EIPR1: variants seen among roughly 807,000 people sequenced by gnomAD.
EIPR1 encodes EARP complex and GARP complex interacting protein 1, also known as EARP and GARP complex-interacting protein 1.
A neutral mutation model predicts 48.1 loss-of-function variants in EIPR1; 25 were observed. That is an observed-to-expected ratio of 0.52 (90% CI 0.38 to 0.73). The LOEUF (loss-of-function observed/expected upper bound fraction) is 0.73, where lower values mean the gene tolerates loss of function less well. Ranked by LOEUF, EIPR1 falls within the 30% of genes least tolerant of loss-of-function variation. EIPR1 has a pLI of 0.00. For missense variants in EIPR1, 415 were observed against 506.2 expected, an observed-to-expected ratio of 0.82 and a Z score of 1.73; for synonymous variants, 204 against 201.9, an observed-to-expected ratio of 1.01 and a Z score of -0.09.
intron 2 of EIPR1, among the ~76,000 whole-genome samples, chr2:3,348,443 G>A (rs1023043482): frequency 1.3e-5 from 2 of 152,186 alleles, no homozygotes; most frequent in Non-Finnish European, 2.9e-5. Context: ...ACAGGCCTCA[G>A]GTCGCGGTTC....
chr2:3,203,899 G>C (rs1012216422), intron 5 of EIPR1, among the ~76,000 whole-genome samples: 2 of 152,216 alleles, frequency 1.3e-5, no homozygotes, highest in East Asian at 1.9e-4. Context: ...AGCCACATCC[G>C]ACCAGCAGCA....
chr2:3,350,237 G>A (rs1437574844), intron 2 of EIPR1, among the ~76,000 whole-genome samples: 2 of 151,710 alleles, frequency 1.3e-5, no homozygotes, highest in African/African-American at 4.8e-5. Flanking sequence ...GAGGCCTAAG[G>A]CAACTTACTA....
intron 3 of EIPR1, among the ~76,000 whole-genome samples, chr2:3,296,628 C>T (rs1014492099): frequency 6.8e-6 from 1 of 147,476 alleles, no homozygotes; most frequent in African/African-American, 2.5e-5. Context: ...CCTCTCTACA[C>T]ACATACACAC....
At chr2:3,369,689 G>A (rs1022637839) in intron 1 of EIPR1, among the ~76,000 whole-genome samples, 16 of 152,326 alleles carry the variant, frequency 1.1e-4, no homozygotes, top group African/African-American at 3.4e-4. Context: ...GGGGAGGGGC[G>A]CCCGCCATTG....
intron 4 of EIPR1, among the ~76,000 whole-genome samples, chr2:3,238,476 A>G (rs1347608999): frequency 6.6e-6 from 1 of 152,134 alleles, no homozygotes; most frequent in African/African-American, 2.4e-5. Flanking sequence ...TTTAAGGCTA[A>G]TGCACAAAGT....
chr2:3,244,139 G>A lies in EIPR1; in HGVS notation c.416+13160C>T, dbSNP rs1016948569. ...ATCAGCAAAGGACTTCCAGGGAAAC[G>A]TTAACATATCAAACAGTCTTCTCCC... On this transcript the variant is annotated intron_variant, in intron 4 of 8. Coordinates refer to ENST00000382125, the MANE Select transcript of EIPR1 (RefSeq NM_003310.5). 3.9e-5 allele frequency among the ~76,000 whole-genome samples: 6 copies of A among 152,234 alleles called. No individual in the cohort carries two copies. The South Asian group carries it at 1.0e-3, about 26-fold the overall frequency.
chr2:3,289,596 G>C (rs188083380), intron 3 of EIPR1, among the ~76,000 whole-genome samples: 3 of 152,218 alleles, frequency 2.0e-5, no homozygotes, highest in East Asian at 1.9e-4. Context: ...CCGTGATCCT[G>C]TCTCCCTATG....
intron 3 of EIPR1, chr2:3,318,722 A>AGTTCTC: frequency 2.5e-6 from 1 of 394,792 alleles, no homozygotes; most frequent in South Asian, 1.9e-5. Context: ...CTGTCCCGGC[A>AGTTCTC]ATCAGAGTTC....
chr2:3,274,700 C>T (rs1322717639), intron 3 of EIPR1, among the ~76,000 whole-genome samples: 1 of 151,216 alleles, frequency 6.6e-6, no homozygotes. Flanking sequence ...ATATGTGTGA[C>T]ACTAATGATA....
intron 5 of EIPR1, among the ~76,000 whole-genome samples, chr2:3,198,793 A>G (rs1664899060): frequency 6.6e-6 from 1 of 152,146 alleles, no homozygotes; most frequent in Admixed American, 6.5e-5. Flanking sequence ...GGGCAACAGA[A>G]GATCACAAGG....
chr2:3,258,587 G>A (rs867516703), intron 3 of EIPR1, among the ~76,000 whole-genome samples: 39 of 152,280 alleles, frequency 2.6e-4, no homozygotes, highest in Admixed American at 5.2e-4. Flanking sequence ...AATCGAAAAT[G>A]TATCACTTAC....
At chr2:3,253,502 A>T (rs919730978) in intron 4 of EIPR1, among the ~76,000 whole-genome samples, 4 of 152,212 alleles carry the variant, frequency 2.6e-5, no homozygotes, top group Admixed American at 1.3e-4. Flanking sequence ...CAGCTGAGCA[A>T]CGTCATCGCC....
intron 3 of EIPR1, among the ~76,000 whole-genome samples, chr2:3,321,094 G>C (rs1211772613): frequency 1.3e-5 from 2 of 152,164 alleles, no homozygotes; most frequent in African/African-American, 2.4e-5. Context: ...GCTGCTGAGG[G>C]GAACGACACC....
At chr2:3,344,819 T>C (rs1029282853) in intron 2 of EIPR1, among the ~76,000 whole-genome samples, 2 of 151,900 alleles carry the variant, frequency 1.3e-5, no homozygotes, top group African/African-American at 4.8e-5. Context: ...ATTTTTGTAT[T>C]TTTAGTAGAG....
intron 3 of EIPR1, among the ~76,000 whole-genome samples, chr2:3,295,699 C>T (rs1668550144): frequency 2.5e-5 from 3 of 119,338 alleles, no homozygotes; most frequent in Admixed American, 8.3e-5. Context: ...CCTCCTCTCT[C>T]TGCACACCCT....
At chr2:3,237,687 G>A (rs903350778) in intron 4 of EIPR1, among the ~76,000 whole-genome samples, 4 of 152,184 alleles carry the variant, frequency 2.6e-5, no homozygotes, top group East Asian at 1.9e-4. Context: ...AGAGGCAAGC[G>A]TGGAATGCTG....
intron 5 of EIPR1, 85 bp downstream of exon 5, chr2:3,214,064 T>C: frequency 1.6e-6 from 2 of 1,287,026 alleles, no homozygotes; most frequent in South Asian, 1.3e-5. Flanking sequence ...GTGATCTCAT[T>C]GTTCAATTCC....
rs532495391 is a variant in EIPR1 at position 3,219,648 on chromosome 2, T to C, written c.417-5400A>G. Among the ~76,000 whole-genome samples, 13 of 128,846 alleles carry C rather than the reference T, an allele frequency of 1.0e-4. No homozygotes were observed. In the East Asian group the frequency reaches 1.8e-3, roughly 18 times the overall value. 84.5% of individuals were successfully genotyped at this position (128,846 alleles called of 152,430 possible). On this transcript the variant is annotated intron_variant, in intron 4 of 8. Coordinates refer to ENST00000382125, the MANE Select transcript of EIPR1 (RefSeq NM_003310.5). The stretch of plus-strand genomic sequence containing the variant: ...GTCAGGTGCACACTCAACATGACCC[T>C]GGTATATTCTAGAGCATTCACAGTG...
At chr2:3,359,340 G>A (rs4854179) in intron 1 of EIPR1, among the ~76,000 whole-genome samples, 22,496 of 152,166 alleles carry the variant, frequency 0.15, 2,079 homozygotes, top group Non-Finnish European at 0.21. Flanking sequence ...CAATGAACCG[G>A]TATTCAATTT....
Sources: allele counts gnomAD v4.1 joint callset (sites outside exome capture counted in the v4.1 genomes callset), GRCh38; gene constraint gnomAD v4.1.1; transcripts MANE v1.5; gene names NCBI Gene and HGNC (gene_info 2026-07-23, HGNC 2026-07-21).